Variants in SLC39A6 observed in about 807,000 individuals in gnomAD.
The protein encoded by SLC39A6 is solute carrier family 39 member 6, also known as zinc transporter ZIP6.
SLC39A6 carries 51 observed loss-of-function variants against 63.5 expected under a neutral mutation model. The observed-to-expected ratio is 0.80, with a 90% confidence interval of 0.64 to 1.01. The LOEUF (loss-of-function observed/expected upper bound fraction) is 1.01. Ranked by LOEUF, SLC39A6 falls within the 50% of genes least tolerant of loss-of-function variation. The pLI, the probability that SLC39A6 is intolerant of heterozygous loss-of-function variation, is 0.00. For missense variants in SLC39A6, 805 were observed against 927.8 expected (o/e 0.87, Z 1.72); for synonymous variants, 318 against 324.7 (o/e 0.98, Z 0.22).
chr18:36,112,624 G>T, intron 7 of SLC39A6, 43 bp from the exon 8 acceptor site: 1 of 1,483,030 alleles, frequency 6.7e-7, no homozygotes, highest in Non-Finnish European at 9.4e-7. Flanking sequence ...ACATTAATTT[G>T]TGTTTTTTAA....
chr18:36,116,007 T>C (rs2089342182), intron 6 of SLC39A6, among the ~76,000 whole-genome samples: 1 of 152,152 alleles, frequency 6.6e-6, no homozygotes. Context: ...CTGATCAACC[T>C]AATCATGCAA....
intron 2 of SLC39A6, 123 bp downstream of exon 2, chr18:36,126,096 A>C: frequency 1.0e-6 from 1 of 986,824 alleles, no homozygotes; most frequent in Non-Finnish European, 1.5e-6. Flanking sequence ...AGAAGGTGGA[A>C]ATTCCCTTTT....
At chr18:36,118,659 AT>A (rs1302290300) in intron 5 of SLC39A6, among the ~76,000 whole-genome samples, 12 of 152,336 alleles carry the variant, frequency 7.9e-5, no homozygotes, top group African/African-American at 2.6e-4. Flanking sequence ...AGATCAGACA[AT>A]AGAACTCTGT....
rs369436135 is a variant in SLC39A6 at position 36,126,820 on chromosome 18, C to G, written c.188G>C (p.Arg63Pro). The change falls in exon 2 of 10, where the codon CGC becomes CCC. Residue 63 changes from arginine (R) to proline (P), a missense_variant. This residue lies in a region of SLC39A6 where 639 missense variants were observed against 644.0 expected (regional missense o/e 0.99). Coordinates refer to ENST00000269187, the MANE Select transcript of SLC39A6 (RefSeq NM_012319.4). Reference protein sequence around the residue: ...RQYHLQQLFYRYGENNSLSVE... With the variant: ...RQYHLQQLFYPYGENNSLSVE... ...TGACAAAGAATTATTTTCTCCATAG[C>G]GGTAGAAAAGCTGTTGTAGATGATA... 2 of 1,614,116 alleles carry G rather than the reference C, an allele frequency of 1.2e-6. No individual in the cohort carries two copies. Among genetic ancestry groups the G allele is most frequent in the Non-Finnish European group, 1.7e-6 (2 of 1,180,008 alleles).
intron 5 of SLC39A6, among the ~76,000 whole-genome samples, chr18:36,117,963 G>A (rs1158543836): frequency 1.3e-5 from 2 of 151,604 alleles, no homozygotes; most frequent in South Asian, 2.1e-4. Flanking sequence ...TCTGGGAGGC[G>A]GAGCTTGCAG....
chr18:36,124,748 A>G (rs921214440), intron 2 of SLC39A6, 48 bp from the exon 3 acceptor site: 1 of 1,405,928 alleles, frequency 7.1e-7, no homozygotes, highest in Non-Finnish European at 9.6e-7. Flanking sequence ...TCCCCATTAG[A>G]GTAGTCTGAT....
chr18:36,109,628 A>C lies in SLC39A6; in HGVS notation c.2233T>G (p.Phe745Val). The C allele has an allele frequency of 1.2e-6, 2 of 1,609,286 alleles. No homozygotes were observed. The highest frequency in any genetic ancestry group is 1.7e-6 in the Non-Finnish European group (2 of 1,176,650). Residue 745 changes from phenylalanine to valine, a missense_variant, in exon 10 of 10, where the codon TTT becomes GTT. Phe to Val is a conservative substitution (Grantham distance 50). Around this residue, in one of 4 missense-constraint regions of SLC39A6, gnomAD observed 145 missense variants for 227.2 expected, o/e 0.64. Coordinates refer to ENST00000269187, the MANE Select transcript of SLC39A6 (RefSeq NM_012319.4). ...ATACGAAACACGATTTTATGTTCAA[A>C]TATGGAAATAAGTAACATAATTCCA... ...GFGIMLLISIFEHKIVFRINF is the reference protein window; with the variant it reads ...GFGIMLLISIVEHKIVFRINF
At chr18:36,113,506 C>G (rs2089318912) in intron 7 of SLC39A6, among the ~76,000 whole-genome samples, 1 of 152,184 alleles carries the variant, frequency 6.6e-6, no homozygotes, top group South Asian at 2.1e-4. Flanking sequence ...CTAGCTATAA[C>G]ACAGCACAGC....
At position 36,111,170 on chromosome 18, in the gene SLC39A6, C is replaced by G; in HGVS notation, c.2004G>C (p.Ala668=). Residue 668 remains alanine (A), a synonymous_variant, in exon 9 of 10, where the codon GCG becomes GCC. Coordinates refer to ENST00000269187, the MANE Select transcript of SLC39A6 (RefSeq NM_012319.4). ...VLYNALSAML[A]YLGMATGIFI... is the part of the protein sequence containing the mutation. ...AAATTCCTGTTGCCATTCCAAGATA[C>G]GCCAGCATGGCTGACAATGCATTAT... The G allele has an allele frequency of 1.9e-6, 3 of 1,614,026 alleles. No homozygotes were observed. Among genetic ancestry groups the G allele is most frequent in the Non-Finnish European group, 2.5e-6 (3 of 1,179,880 alleles).
chr18:36,121,796 T>C (rs2089396602), intron 5 of SLC39A6, among the ~76,000 whole-genome samples: 1 of 152,316 alleles, frequency 6.6e-6, no homozygotes, highest in East Asian at 1.9e-4. Flanking sequence ...TGGTCACTTA[T>C]ACAGATGTTC....
chr18:36,115,492 A>AACAACC (rs954162387), intron 6 of SLC39A6, among the ~76,000 whole-genome samples: 2 of 145,160 alleles, frequency 1.4e-5, no homozygotes, highest in African/African-American at 5.0e-5. Context: ...CAACAACAAC[A>AACAACC]ACCATATATC....
intron 2 of SLC39A6, among the ~76,000 whole-genome samples, chr18:36,125,440 A>G (rs2089429214): frequency 6.6e-6 from 1 of 152,066 alleles, no homozygotes; most frequent in Admixed American, 6.5e-5. Context: ...TCCCACCACA[A>G]TTCTCAGTTG....
chr18:36,117,268 T>G (rs2144503444), intron 5 of SLC39A6, among the ~76,000 whole-genome samples: 1 of 152,228 alleles, frequency 6.6e-6, no homozygotes, highest in East Asian at 1.9e-4. Context: ...GCTAGGGGCA[T>G]TTCCTTCAGG....
intron 5 of SLC39A6, among the ~76,000 whole-genome samples, chr18:36,121,446 C>T (rs2089393262): frequency 6.6e-6 from 1 of 152,158 alleles, no homozygotes; most frequent in Admixed American, 6.5e-5. Flanking sequence ...CATGAACCAC[C>T]CCACCTGACC....
intron 2 of SLC39A6, 49 bp from the exon 3 acceptor site, chr18:36,124,749 G>C: frequency 3.0e-6 from 4 of 1,341,660 alleles, no homozygotes; most frequent in Non-Finnish European, 4.1e-6. Flanking sequence ...CCCCATTAGA[G>C]TAGTCTGATG....
At chr18:36,114,627 G>A (rs1458486417) in intron 6 of SLC39A6, among the ~76,000 whole-genome samples, 153 bp from the exon 7 acceptor site, 1 of 152,162 alleles carries the variant, frequency 6.6e-6, no homozygotes, top group Non-Finnish European at 1.5e-5. Flanking sequence ...TATTACTGAT[G>A]AAAAACATCA....
At chr18:36,127,466 G>C (rs1397404555) in intron 1 of SLC39A6, among the ~76,000 whole-genome samples, 1 of 151,668 alleles carries the variant, frequency 6.6e-6, no homozygotes, top group Non-Finnish European at 1.5e-5. Context: ...CTGAGGCCAG[G>C]AGTTTGTGAC....
intron 9 of SLC39A6, among the ~76,000 whole-genome samples, chr18:36,110,154 AAAT>A (rs2089289679): frequency 6.6e-6 from 1 of 152,198 alleles, no homozygotes; most frequent in Admixed American, 6.5e-5. Context: ...TAAAAAATAA[AAAT>A]AAAATAATAA....
At chr18:36,126,139 C>T in intron 2 of SLC39A6, 80 bp downstream of exon 2, 2 of 1,314,092 alleles carry the variant, frequency 1.5e-6, no homozygotes, top group Non-Finnish European at 1.1e-6. Context: ...TTACTTTAAA[C>T]TCCTCATAAC....
Sources: gnomAD v4.1 joint callset for allele counts (sites outside exome capture counted in the v4.1 genomes callset) on GRCh38, gnomAD v4.1.1 for gene constraint, gnomAD v4.1.1 regional missense constraint, MANE v1.5 for transcripts, NCBI Gene and HGNC (gene_info 2026-07-23, HGNC 2026-07-21) for gene names.